The following ETHE1 variants were observed in gnomAD, a reference collection of about 807,000 sequenced individuals.
The protein encoded by ETHE1 is persulfide dioxygenase ETHE1, mitochondrial.
A neutral mutation model predicts 25.7 loss-of-function variants in ETHE1; 16 were observed. The ratio of observed to expected loss-of-function variants is 0.62; its 90% confidence interval spans 0.42 to 0.95. The LOEUF (loss-of-function observed/expected upper bound fraction) is 0.95, where lower values mean the gene tolerates loss of function less well. Among genes scored for constraint, ETHE1 ranks in the 40% least tolerant of loss-of-function variants. ETHE1 has a pLI of 0.00. For missense variants in ETHE1, 300 were observed against 333.6 expected (o/e 0.90, Z 0.79); for synonymous variants, 139 against 135.9 (o/e 1.02, Z -0.16).
At chr19:43,519,987 G>A (rs1055506992) in intron 3 of ETHE1, among the ~76,000 whole-genome samples, 1 of 151,290 alleles carries the variant, frequency 6.6e-6, no homozygotes, top group African/African-American at 2.4e-5. Flanking sequence ...GCTGAGGCGG[G>A]AGGATCACCT....
intron 3 of ETHE1, among the ~76,000 whole-genome samples, chr19:43,525,075 G>A (rs993252133): frequency 4.7e-5 from 7 of 148,648 alleles, no homozygotes; most frequent in African/African-American, 1.7e-4. Flanking sequence ...GAGCCTGGGA[G>A]GTCAAGGCTG....
At chr19:43,515,123 A>G (rs909371656) in intron 3 of ETHE1, among the ~76,000 whole-genome samples, 3 of 152,136 alleles carry the variant, frequency 2.0e-5, no homozygotes, top group African/African-American at 7.2e-5. Flanking sequence ...AAAATAAAAA[A>G]TAGGCAGTGG....
At chr19:43,518,123 CAAAA>C (rs1405778808) in intron 3 of ETHE1, among the ~76,000 whole-genome samples, 1 of 149,476 alleles carries the variant, frequency 6.7e-6, no homozygotes, top group Non-Finnish European at 1.5e-5. Context: ...GAAAACAAAA[CAAAA>C]AGAAAAGAAG....
In ETHE1 at chr19:43,526,588, G is replaced by T. The variant is rs1434510051; in HGVS notation, c.153C>A (p.Ile51=). The T allele has an allele frequency of 3.7e-6, 6 of 1,613,920 alleles. No individual in the cohort carries two copies. Among genetic ancestry groups the T allele is most frequent in the Non-Finnish European group, 5.1e-6 (6 of 1,179,996 alleles). ...GDRESREAVL[I]DPVLETAPRD... ...GAGGCGCTGTTTCCAGGACTGGGTC[G>T]ATCAGAACGGCCTCCCGGGACTCTC... is the stretch of plus-strand genomic sequence containing the variant. The change falls in exon 2 of 7, where the codon ATC becomes ATA. Residue 51 remains isoleucine, a synonymous_variant. Transcript: ENST00000292147.
chr19:43,521,810 C>A (rs1393127654), intron 3 of ETHE1, among the ~76,000 whole-genome samples: 1 of 152,044 alleles, frequency 6.6e-6, no homozygotes. Flanking sequence ...ACTCAGTGAC[C>A]CAGAAAATCC....
intron 4 of ETHE1, among the ~76,000 whole-genome samples, chr19:43,510,979 CT>C (rs1315784329): frequency 6.6e-6 from 1 of 152,058 alleles, no homozygotes; most frequent in East Asian, 1.9e-4. Flanking sequence ...GGAGCACAAA[CT>C]CTATTGCGAA....
At chr19:43,508,163 C>T (rs953050907) in intron 5 of ETHE1, 103 bp from the exon 6 acceptor site, 4 of 1,548,866 alleles carry the variant, frequency 2.6e-6, no homozygotes, top group African/African-American at 2.7e-5. Context: ...GGCAGGGGCT[C>T]TTCCCAGAAT....
At chr19:43,526,898 G>A in intron 1 of ETHE1, 199 bp downstream of exon 1, 1 of 1,474,226 alleles carries the variant, frequency 6.8e-7, no homozygotes, top group Non-Finnish European at 8.9e-7. Flanking sequence ...GAGGACCCAG[G>A]GGTCTGGCCC....
At chr19:43,518,446 T>C (rs1227966554) in intron 3 of ETHE1, among the ~76,000 whole-genome samples, 2 of 152,098 alleles carry the variant, frequency 1.3e-5, no homozygotes, top group Admixed American at 1.3e-4. Flanking sequence ...TTAATAATGA[T>C]ATAAAGTTAC....
At chr19:43,515,822 C>T (rs550655507) in intron 3 of ETHE1, among the ~76,000 whole-genome samples, 2 of 152,162 alleles carry the variant, frequency 1.3e-5, no homozygotes, top group South Asian at 2.1e-4. Flanking sequence ...GTGATTCACC[C>T]GCCTCAGGCT....
chr19:43,512,665 T>A (rs1003307211), intron 3 of ETHE1, among the ~76,000 whole-genome samples: 5 of 152,178 alleles, frequency 3.3e-5, no homozygotes, highest in Non-Finnish European at 5.9e-5. Context: ...CACAATGATA[T>A]GGTTTGGAAT....
At chr19:43,507,044 GAGT>G (rs1568490422) in intron 6 of ETHE1, 142 bp from the exon 7 acceptor site, 15 of 814,114 alleles carry the variant, frequency 1.8e-5, no homozygotes. Flanking sequence ...TCAGACCCAG[GAGT>G]CCAGTACCCC....
At chr19:43,521,329 A>C (rs1972134948) in intron 3 of ETHE1, among the ~76,000 whole-genome samples, 1 of 152,022 alleles carries the variant, frequency 6.6e-6, no homozygotes, top group Admixed American at 6.6e-5. Context: ...TGTCTCAGAA[A>C]AAAAAGAATT....
rs1568502291 is a variant in ETHE1, at chr19:43,526,520, T to C, written c.221A>G (p.Tyr74Cys). ...AGTTTGGTCCCCGGACTGACCAGCATAGAGCAGCCGCAGCCCCAGCTCCTT... is the reference window on the plus strand; with the variant it reads ...AGTTTGGTCCCCGGACTGACCAGCACAGAGCAGCCGCAGCCCCAGCTCCTT... ...LIKELGLRLL[Y>C]AVNTHCHADH... Residue 74 changes from tyrosine to cysteine, a missense_variant, in exon 2 of 7, where the codon TAT becomes TGT. By Grantham distance (194) the Tyr-to-Cys change is radical. Coordinates refer to ENST00000292147, the MANE Select transcript of ETHE1 (RefSeq NM_014297.5). 2 of 1,613,284 alleles carry C rather than the reference T, an allele frequency of 1.2e-6. No homozygotes were observed. Among genetic ancestry groups the C allele is most frequent in the East Asian group, 2.2e-5 (1 of 44,846 alleles).
chr19:43,518,751 CAAAAAAAAAAA>C (rs34214132), intron 3 of ETHE1, among the ~76,000 whole-genome samples: 5 of 77,612 alleles, frequency 6.4e-5, no homozygotes, highest in African/African-American at 2.0e-4. Flanking sequence ...ACTCTTGTCT[CAAAAAAAAAAA>C]AAAAAAAAAA....
chr19:43,526,544 T>C lies in ETHE1; in HGVS notation c.197A>G (p.Lys66Arg), dbSNP rs777252863. Residue 66 changes from lysine (K) to arginine (R), a missense_variant, in exon 2 of 7, where the codon AAG becomes AGG. Coordinates refer to ENST00000292147, the MANE Select transcript of ETHE1 (RefSeq NM_014297.5). ...ATAGAGCAGCCGCAGCCCCAGCTCC[T>C]TGATCAGCTGGGCATCCCGAGGCGC... ...ETAPRDAQLI[K>R]ELGLRLLYAV... 3.2e-5 allele frequency: 52 copies of C among 1,613,688 alleles called. No individual in the cohort carries two copies. The Middle Eastern group carries it at 9.9e-4, about 31-fold the overall frequency.
chr19:43,523,045 T>G (rs1972166734), intron 3 of ETHE1, among the ~76,000 whole-genome samples: 1 of 151,712 alleles, frequency 6.6e-6, no homozygotes, highest in Non-Finnish European at 1.5e-5. Context: ...CACAAAAGAG[T>G]ACACTGTATA....
chr19:43,509,524 G>A (rs1211614820), intron 4 of ETHE1, among the ~76,000 whole-genome samples: 5 of 141,392 alleles, frequency 3.5e-5, no homozygotes, highest in South Asian at 2.3e-4. Context: ...GGCTGGGCGC[G>A]GTGGCTCACG....
intron 5 of ETHE1, 89 bp downstream of exon 5, chr19:43,508,686 G>A: frequency 9.0e-7 from 1 of 1,110,214 alleles, no homozygotes; most frequent in East Asian, 2.6e-5. Flanking sequence ...TCTGAGACTG[G>A]TCGTCTTCAT....
Sources: gnomAD v4.1 joint callset for allele counts (sites outside exome capture counted in the v4.1 genomes callset) on GRCh38, gnomAD v4.1.1 for gene constraint, MANE v1.5 for transcripts, NCBI Gene and HGNC (gene_info 2026-07-23, HGNC 2026-07-21) for gene names.